RBL1: variants seen among roughly 807,000 people sequenced by gnomAD.
RBL1 encodes the protein RB transcriptional corepressor like 1.
In RBL1, 82 loss-of-function variants were observed where a neutral mutation model predicts 123.0. The observed-to-expected ratio is 0.67, with a 90% CI of 0.56 to 0.80. RBL1 has a LOEUF of 0.80. Ranked by LOEUF, RBL1 falls within the 30% of genes least tolerant of loss-of-function variation. The pLI is 0.00. For missense variants in RBL1, 1,171 were observed against 1,299.6 expected, an observed-to-expected ratio of 0.90 and a Z score of 1.52; for synonymous variants, 405 against 441.3, an observed-to-expected ratio of 0.92 and a Z score of 1.03.
intron 11 of RBL1, among the ~76,000 whole-genome samples, chr20:37,051,673 T>G (rs908388811): frequency 6.6e-6 from 1 of 151,320 alleles, no homozygotes; most frequent in Non-Finnish European, 1.5e-5. Flanking sequence ...TAAAAAATGT[T>G]CAAGTAACCA....
rs1316097399 is a variant in RBL1, at chr20:37,095,803, A to G, written c.126T>C (p.Phe42=). 5.6e-6 allele frequency: 9 copies of G among 1,609,800 alleles called. No individual in the cohort carries two copies. In the East Asian group the frequency reaches 1.3e-4, roughly 24 times the overall value. The change falls in exon 1 of 22, where the codon TTT becomes TTC. Residue 42 remains phenylalanine, a synonymous_variant. Coordinates refer to ENST00000373664, the MANE Select transcript of RBL1 (RefSeq NM_002895.5). ...GGCTGTAGTTGCCTCGGATGGCAGT[A>G]AAGTCGTCCAGGGCTTCGGCCGCGC... ...EGSAAEALDD[F]TAIRGNYSLE... is the part of the protein sequence containing the mutation.
At chr20:37,010,889 C>T (rs755008653) in intron 19 of RBL1, among the ~76,000 whole-genome samples, 2 of 152,154 alleles carry the variant, frequency 1.3e-5, no homozygotes, top group Non-Finnish European at 2.9e-5. Context: ...AATCATAGTG[C>T]ACTCCAATCT....
intron 19 of RBL1, among the ~76,000 whole-genome samples, chr20:37,012,564 T>C (rs1397508099): frequency 1.4e-5 from 2 of 145,658 alleles, no homozygotes; most frequent in East Asian, 4.2e-4. Context: ...CGACCCCGTC[T>C]GGGAGGTGAG....
chr20:37,000,456 G>A (rs1018581265), intron 21 of RBL1, among the ~76,000 whole-genome samples: 4 of 143,784 alleles, frequency 2.8e-5, no homozygotes, highest in Non-Finnish European at 3.1e-5. Context: ...GCCCGTCCGG[G>A]AGGGAGGTGG....
At chr20:37,071,701 G>A (rs1462998476) in intron 2 of RBL1, among the ~76,000 whole-genome samples, 2 of 152,180 alleles carry the variant, frequency 1.3e-5, no homozygotes, top group Non-Finnish European at 2.9e-5. Context: ...CCTAGTGGGA[G>A]GTGTTTGGGT....
At position 37,022,798 on chromosome 20, in the gene RBL1, C is replaced by T. The variant is rs1600481053; in HGVS notation, c.2411G>A (p.Arg804His). The part of the protein sequence containing the change: ...KVYHLASVRL[R>H]DLCLKLDVSN... The stretch of plus-strand genomic sequence containing the variant: ...AACATCCAGTTTTAGACATAGATCA[C>T]GTAAGCGTACACTTGCCAAATGATA... Residue 804 changes from arginine (R) to histidine (H), a missense_variant, in exon 17 of 22, where the codon CGT (arginine) becomes CAT (histidine). Transcript: ENST00000373664. 2 of 1,612,550 alleles carry T rather than the reference C, an allele frequency of 1.2e-6. No homozygotes were observed. The highest frequency in any genetic ancestry group is 1.7e-6 in the Non-Finnish European group (2 of 1,179,254).
chr20:37,000,427 T>C (rs1203069329), intron 21 of RBL1, among the ~76,000 whole-genome samples: 1 of 117,076 alleles, frequency 8.5e-6, no homozygotes, highest in African/African-American at 3.2e-5. Flanking sequence ...GGGGGGGTCA[T>C]CCCTCTGCCC....
chr20:37,018,903 G>A (rs920139554), intron 18 of RBL1, among the ~76,000 whole-genome samples: 27 of 152,046 alleles, frequency 1.8e-4, no homozygotes, highest in African/African-American at 5.3e-4. Context: ...AGCTGAGATC[G>A]CACCACTGCA....
At chr20:37,082,917 G>A (rs2146327494) in intron 2 of RBL1, among the ~76,000 whole-genome samples, 1 of 152,080 alleles carries the variant, frequency 6.6e-6, no homozygotes. Flanking sequence ...TGGGAGGATT[G>A]CTTGAATCTG....
chr20:37,013,305 T>C (rs1026205135), intron 19 of RBL1, among the ~76,000 whole-genome samples: 32 of 151,788 alleles, frequency 2.1e-4, no homozygotes, highest in African/African-American at 4.8e-4. Context: ...CCCTGTGCTC[T>C]CTGAAACATG....
rs1205027288 is a variant in RBL1, at chr20:37,005,877, CTTTTTTTTTTTTCTTTCTTTTT to C, written c.2871+1512_2871+1533del. The stretch of plus-strand genomic sequence containing the variant: ...GCAGCTTCTGCTAGGGCCTTCTTTT[CTTTTTTTTTTTTCTTTCTTTTT>C]TTTTTTTTTTTTTTGAGGCAGGGTC... On this transcript the variant is annotated intron_variant, in intron 20 of 21. Coordinates refer to ENST00000373664, the MANE Select transcript of RBL1 (RefSeq NM_002895.5). Among the ~76,000 whole-genome samples the C allele has an allele frequency of 7.5e-5, 8 of 106,340 alleles. No homozygotes were observed. The South Asian group carries it at 8.7e-4, about 12-fold the overall frequency. The allele number at this position is 106,340 out of a possible 152,430, so 69.8% of individuals were successfully genotyped here.
chr20:37,069,385 G>A (rs1211660905), intron 2 of RBL1, among the ~76,000 whole-genome samples: 2 of 151,188 alleles, frequency 1.3e-5, no homozygotes, highest in South Asian at 2.1e-4. Context: ...TCCCACCTAG[G>A]AAGTGAGGAG....
At chr20:37,042,966 A>G (rs1406412184) in intron 13 of RBL1, among the ~76,000 whole-genome samples, 1 of 150,060 alleles carries the variant, frequency 6.7e-6, no homozygotes, top group African/African-American at 2.4e-5. Flanking sequence ...TCAACCGATG[A>G]ATGGATAAAT....
intron 14 of RBL1, among the ~76,000 whole-genome samples, chr20:37,038,340 C>T (rs1330343594): frequency 6.8e-5 from 9 of 133,018 alleles, no homozygotes; most frequent in Middle Eastern, 4.8e-3. Context: ...CTCGCTCTTT[C>T]GCCCAGGCTG....
At chr20:37,091,330 C>A (rs1287914515) in intron 1 of RBL1, among the ~76,000 whole-genome samples, 1 of 151,458 alleles carries the variant, frequency 6.6e-6, no homozygotes. Flanking sequence ...TGCACTCCAG[C>A]CTGCGCAACG....
At chr20:37,031,056 A>G (rs2064504070) in intron 16 of RBL1, among the ~76,000 whole-genome samples, 1 of 152,070 alleles carries the variant, frequency 6.6e-6, no homozygotes, top group African/African-American at 2.4e-5. Flanking sequence ...AAAAAAAAAT[A>G]GACATAATAA....
At chr20:37,001,044 C>T (rs1402197509) in intron 21 of RBL1, among the ~76,000 whole-genome samples, 1 of 146,194 alleles carries the variant, frequency 6.8e-6, no homozygotes, top group African/African-American at 2.6e-5. Flanking sequence ...AGCCCCCCAC[C>T]CGGCCAGCCG....
intron 12 of RBL1, among the ~76,000 whole-genome samples, chr20:37,044,491 CCA>C: frequency 6.6e-6 from 1 of 152,216 alleles, no homozygotes; most frequent in South Asian, 2.1e-4. Flanking sequence ...GCACCTGCCA[CCA>C]CACCTGGCTA....
chr20:37,008,604 A>G (rs1396781822), intron 19 of RBL1, among the ~76,000 whole-genome samples: 1 of 152,228 alleles, frequency 6.6e-6, no homozygotes, highest in Non-Finnish European at 1.5e-5. Flanking sequence ...CACAAGAACC[A>G]TGTGCTAAGA....
Sources: allele counts gnomAD v4.1 joint callset (sites outside exome capture counted in the v4.1 genomes callset), GRCh38; gene constraint gnomAD v4.1.1; transcripts MANE v1.5; gene names NCBI Gene and HGNC (gene_info 2026-07-23, HGNC 2026-07-21).